Variants in SLC1A2 observed in about 807,000 individuals in gnomAD.
The protein encoded by SLC1A2 is solute carrier family 1 member 2.
In SLC1A2, 15 loss-of-function variants were observed where a neutral mutation model predicts 48.8. The ratio of observed to expected loss-of-function variants is 0.31; its 90% CI spans 0.21 to 0.47. The LOEUF (loss-of-function observed/expected upper bound fraction) is 0.47, where lower values mean the gene tolerates loss of function less well. Ranked by LOEUF, SLC1A2 falls within the 20% of genes least tolerant of loss-of-function variation. The pLI, the probability that SLC1A2 is intolerant of heterozygous loss-of-function variation, is 0.99. For missense variants in SLC1A2, 502 were observed against 730.5 expected (o/e 0.69, Z 3.61); for synonymous variants, 279 against 272.6 (o/e 1.02, Z -0.23).
intron 1 of SLC1A2, among the ~76,000 whole-genome samples, chr11:35,334,738 C>T (rs1852558992): frequency 6.6e-6 from 1 of 152,202 alleles, no homozygotes; most frequent in Non-Finnish European, 1.5e-5. Flanking sequence ...CTTTTCTTTA[C>T]CAGTCTACTT....
rs1851927442 is a variant in SLC1A2 at position 35,317,642 on chromosome 11, G to A, written c.18-126C>T. 62 of 1,190,964 alleles carry A rather than the reference G, an allele frequency of 5.2e-5. 2 individuals carry two copies. The South Asian group carries it at 8.5e-4, about 16-fold the overall frequency. The allele number at this position is 1,190,964 out of a possible 1,614,324, so 73.8% of individuals were successfully genotyped here. The stretch of plus-strand genomic sequence containing the variant: ...TGGAACCATCTGCAGGAAAATAAAA[G>A]TAAGTGTGACTCAGGGTCACCTATA... On this transcript the variant is annotated intron_variant, in intron 1 of 10. Coordinates refer to ENST00000278379, the MANE Select transcript of SLC1A2 (RefSeq NM_004171.4).
At chr11:35,285,807 C>T (rs550257554) in intron 8 of SLC1A2, 2 of 152,290 alleles carry the variant, frequency 1.3e-5, no homozygotes, top group South Asian at 2.1e-4. Context: ...GGAGTCCATC[C>T]ATGAACTACC....
intron 10 of SLC1A2, 22 bp downstream of exon 10, chr11:35,265,505 T>C: frequency 8.0e-7 from 1 of 1,253,704 alleles, no homozygotes; most frequent in Non-Finnish European, 1.2e-6. Context: ...CAAGTCTCGA[T>C]ATCCATGAAT....
intron 1 of SLC1A2, among the ~76,000 whole-genome samples, chr11:35,331,731 A>C (rs1591481843): frequency 1.3e-5 from 2 of 152,160 alleles, no homozygotes; most frequent in East Asian, 3.9e-4. Context: ...TACTTCGCAC[A>C]TTCGAACCTG....
chr11:35,302,691 T>C lies in SLC1A2; in HGVS notation c.731-1046A>G, dbSNP rs535323779. The stretch of plus-strand genomic sequence containing the variant: ...TCCAAGGCTAGGCCTGGCTTTGCTC[T>C]TCCTACCACTCCTGTTGGTCCCTTC... On this transcript the variant is annotated intron_variant, in intron 5 of 10. Coordinates refer to ENST00000278379, the MANE Select transcript of SLC1A2 (RefSeq NM_004171.4). Among the ~76,000 whole-genome samples, 50 of 152,022 alleles carry C rather than the reference T, an allele frequency of 3.3e-4. 1 individual carries two copies. Among genetic ancestry groups the C allele is most frequent in the South Asian group, 2.5e-3 (12 of 4,798 alleles).
At chr11:35,320,738 T>C (rs1310858791) in intron 1 of SLC1A2, among the ~76,000 whole-genome samples, 1 of 152,244 alleles carries the variant, frequency 6.6e-6, no homozygotes, top group Non-Finnish European at 1.5e-5. Context: ...AGTCAGATTT[T>C]GACCATTCGT....
chr11:35,408,371 G>A (rs1855363094), intron 1 of SLC1A2, among the ~76,000 whole-genome samples: 1 of 152,182 alleles, frequency 6.6e-6, no homozygotes, highest in African/African-American at 2.4e-5. Context: ...GCTGTGGGAG[G>A]GACCCAGAGG....
chr11:35,390,022 T>C, intron 1 of SLC1A2, among the ~76,000 whole-genome samples: 1 of 152,250 alleles, frequency 6.6e-6, no homozygotes, highest in East Asian at 1.9e-4. Flanking sequence ...AGTTTGAAAC[T>C]TTGATTTGTA....
At chr11:35,278,129 G>A (rs1000291181) in intron 9 of SLC1A2, among the ~76,000 whole-genome samples, 1 of 152,112 alleles carries the variant, frequency 6.6e-6, no homozygotes, top group African/African-American at 2.4e-5. Flanking sequence ...TATTTTGTTT[G>A]CTTGTCACCT....
At chr11:35,269,980 G>A (rs561172388) in intron 9 of SLC1A2, among the ~76,000 whole-genome samples, 2 of 152,244 alleles carry the variant, frequency 1.3e-5, no homozygotes, top group African/African-American at 2.4e-5. Flanking sequence ...GGTGGTGCAC[G>A]CCTGTAATCC....
At chr11:35,274,463 A>G (rs1423182476) in intron 9 of SLC1A2, among the ~76,000 whole-genome samples, 1 of 152,244 alleles carries the variant, frequency 6.6e-6, no homozygotes, top group Admixed American at 6.5e-5. Flanking sequence ...GCAAAAGACT[A>G]AGATAGACAT....
chr11:35,400,642 T>A (rs1380182606), intron 1 of SLC1A2, among the ~76,000 whole-genome samples: 1 of 152,194 alleles, frequency 6.6e-6, no homozygotes, highest in East Asian at 1.9e-4. Flanking sequence ...GCCACATATA[T>A]TATAGGTATA....
chr11:35,279,358 G>T (rs3794097), intron 9 of SLC1A2, among the ~76,000 whole-genome samples: 27,016 of 152,246 alleles, frequency 0.18, 2,816 homozygotes, highest in Admixed American at 0.26. Flanking sequence ...TATTCTACAT[G>T]AGGAAAATGT....
intron 1 of SLC1A2, among the ~76,000 whole-genome samples, chr11:35,402,419 G>T (rs371347384): frequency 3.9e-5 from 6 of 152,152 alleles, no homozygotes; most frequent in African/African-American, 1.4e-4. Context: ...CTGGGAGGGT[G>T]GCCCACCCAG....
intron 7 of SLC1A2, 59 bp from the exon 8 acceptor site, chr11:35,287,010 T>C: frequency 7.5e-7 from 1 of 1,331,790 alleles, no homozygotes; most frequent in Non-Finnish European, 1.1e-6. Context: ...AGCAGGACAA[T>C]GCATAAACTG....
At chr11:35,376,894 T>C (rs149038021) in intron 1 of SLC1A2, among the ~76,000 whole-genome samples, 122 of 152,348 alleles carry the variant, frequency 8.0e-4, no homozygotes, top group African/African-American at 2.8e-3. Flanking sequence ...TGCACATTGA[T>C]GGAAGCTGCT....
At chr11:35,311,992 A>C (rs905978710) in intron 4 of SLC1A2, 3 of 419,146 alleles carry the variant, frequency 7.2e-6, no homozygotes, top group African/African-American at 6.1e-5. Context: ...AGCTGGAAAA[A>C]AAGGGATGTT....
intron 1 of SLC1A2, among the ~76,000 whole-genome samples, chr11:35,372,940 G>T (rs1385907580): frequency 6.6e-6 from 1 of 152,202 alleles, no homozygotes; most frequent in Non-Finnish European, 1.5e-5. Flanking sequence ...AGGCACAGAG[G>T]ATTTGGGTAA....
intron 3 of SLC1A2, among the ~76,000 whole-genome samples, chr11:35,313,665 C>T (rs1288368045): frequency 6.6e-6 from 1 of 152,144 alleles, no homozygotes; most frequent in Non-Finnish European, 1.5e-5. Context: ...GCTAGGTTTC[C>T]CCACCAAGTT....
Sources: gnomAD v4.1 joint callset for allele counts (sites outside exome capture counted in the v4.1 genomes callset) on GRCh38, gnomAD v4.1.1 for gene constraint, MANE v1.5 for transcripts, NCBI Gene and HGNC (gene_info 2026-07-23, HGNC 2026-07-21) for gene names.